SPRY3: variants seen among roughly 807,000 people sequenced by gnomAD.
SPRY3 encodes the protein sprouty RTK signaling antagonist 3.
Under a neutral mutation model 20.2 loss-of-function variants are expected in SPRY3, and 15 were observed. The ratio of observed to expected loss-of-function variants is 0.74; its 90% CI spans 0.50 to 1.14. The LOEUF is 1.14. Among genes scored for constraint, SPRY3 ranks in the 50% most tolerant of loss-of-function variants. SPRY3 has a pLI of 0.00. For missense variants in SPRY3, 364 were observed against 363.9 expected (o/e 1.00, Z 0.00); for synonymous variants, 143 against 136.5 (o/e 1.05, Z -0.33).
At chrX:155,736,969 T>A (rs2091174331) in intron 2 of SPRY3, among the ~76,000 whole-genome samples, 1 of 152,096 alleles carries the variant, frequency 6.6e-6, no homozygotes, top group Non-Finnish European at 1.5e-5. Context: ...CCATGTCTAG[T>A]CTACTGGTGA....
chrX:155,740,439 C>A (rs2124572420), intron 2 of SPRY3, among the ~76,000 whole-genome samples: 1 of 152,176 alleles, frequency 6.6e-6, no homozygotes, highest in Non-Finnish European at 1.5e-5. Flanking sequence ...AAATTCTTTT[C>A]CTAGCAAGGA....
chrX:155,770,338 T>G (rs2091373174), intron 3 of SPRY3, among the ~76,000 whole-genome samples: 1 of 152,228 alleles, frequency 6.6e-6, no homozygotes. Flanking sequence ...AAATACATTT[T>G]CTTTCATTAA....
intron 1 of SPRY3, among the ~76,000 whole-genome samples, chrX:155,614,722 TAATAA>T (rs2067845032): frequency 9.0e-6 from 1 of 111,336 alleles, no homozygotes; most frequent in Non-Finnish European, 1.9e-5. Flanking sequence ...ATTTTACTTG[TAATAA>T]AATAAAAGTC....
At chrX:155,663,267 A>G (rs73562813) in intron 2 of SPRY3, among the ~76,000 whole-genome samples, 152 of 112,208 alleles carry the variant, frequency 1.4e-3, no homozygotes, top group African/African-American at 4.8e-3. Context: ...TAAGCAAGAA[A>G]CTATAGGAGA....
chrX:155,713,703 T>C (rs1261412214), intron 2 of SPRY3, among the ~76,000 whole-genome samples: 1 of 152,124 alleles, frequency 6.6e-6, no homozygotes, highest in African/African-American at 2.4e-5. Flanking sequence ...CTTAGTGTTG[T>C]ATAAGCTTCT....
chrX:155,725,400 C>G (rs1035887084), intron 2 of SPRY3, among the ~76,000 whole-genome samples: 1 of 152,118 alleles, frequency 6.6e-6, no homozygotes, highest in Non-Finnish European at 1.5e-5. Flanking sequence ...ATGGTACCAG[C>G]TCCTCTTTGT....
chrX:155,737,099 T>A (rs1199309634), intron 2 of SPRY3, among the ~76,000 whole-genome samples: 2 of 152,290 alleles, frequency 1.3e-5, no homozygotes, highest in Admixed American at 6.5e-5. Context: ...TATTTTTGAA[T>A]GTTGTTCACT....
chrX:155,767,478 G>A (rs1041799153), intron 2 of SPRY3, among the ~76,000 whole-genome samples: 11 of 151,952 alleles, frequency 7.2e-5, no homozygotes, highest in Non-Finnish European at 1.5e-4. Flanking sequence ...GTCTACAACT[G>A]CAGTTTCTGC....
intron 2 of SPRY3, among the ~76,000 whole-genome samples, chrX:155,709,283 G>A (rs113413312): frequency 1.8e-4 from 27 of 151,496 alleles, no homozygotes; most frequent in Non-Finnish European, 2.7e-4. Flanking sequence ...TTACATTCCC[G>A]CCAACAATGT....
chrX:155,736,421 A>T (rs2091170003), intron 2 of SPRY3, among the ~76,000 whole-genome samples: 1 of 151,710 alleles, frequency 6.6e-6, no homozygotes, highest in Admixed American at 6.6e-5. Flanking sequence ...GAAAGTCTTT[A>T]TTTCTCCTTC....
intron 2 of SPRY3, among the ~76,000 whole-genome samples, chrX:155,762,732 AGAGTATGCTTATACAC>A (rs2091309527): frequency 6.6e-6 from 1 of 152,202 alleles, no homozygotes; most frequent in African/African-American, 2.4e-5. Flanking sequence ...TGCAGATAAA[AGAGTATGCTTATACAC>A]TGTTGGTGGG....
At chrX:155,765,421 C>G (rs1402204453) in intron 2 of SPRY3, among the ~76,000 whole-genome samples, 3 of 152,036 alleles carry the variant, frequency 2.0e-5, no homozygotes, top group Non-Finnish European at 2.9e-5. Context: ...ATTAATATGC[C>G]TCATAGGTTT....
exon 4 of SPRY3, chrX:155,774,461 A>G: frequency 6.2e-7 from 1 of 1,613,922 alleles, no homozygotes; most frequent in Admixed American, 1.7e-5. Flanking sequence ...CTCTTCTACC[A>G]CTGCTCCACT....
At chrX:155,615,359 C>G (rs1280567664) in intron 1 of SPRY3, among the ~76,000 whole-genome samples, 1 of 112,175 alleles carries the variant, frequency 8.9e-6, no homozygotes, top group Non-Finnish European at 1.9e-5. Context: ...TTATCAGCCT[C>G]TCAGTGAAGC....
chrX:155,739,301 C>T (rs2091189730), intron 2 of SPRY3, among the ~76,000 whole-genome samples: 1 of 152,110 alleles, frequency 6.6e-6, no homozygotes. Flanking sequence ...ATGGACATAA[C>T]TCTGATCTCT....
intron 2 of SPRY3, among the ~76,000 whole-genome samples, chrX:155,752,756 T>G (rs1227605816): frequency 6.6e-6 from 1 of 151,868 alleles, no homozygotes; most frequent in Non-Finnish European, 1.5e-5. Context: ...TATACTTGGT[T>G]GGCAAGAGTG....
chrX:155,669,875 A>T (rs2068035085), intron 2 of SPRY3: 1 of 111,109 alleles, frequency 9.0e-6, no homozygotes, highest in South Asian at 3.8e-4. Context: ...TCTATGAACC[A>T]TGTGGTGATA....
At chrX:155,667,376 G>A (rs1388618607) in intron 2 of SPRY3, among the ~76,000 whole-genome samples, 4 of 110,904 alleles carry the variant, frequency 3.6e-5, no homozygotes, top group Admixed American at 2.9e-4. Flanking sequence ...GGGGGAAATT[G>A]GTAATGTCTG....
Position 155,650,501 on chromosome X carries a change from T to C in SPRY3, c.-440-6366T>C, listed in dbSNP as rs1377413853. Among the ~76,000 whole-genome samples the C allele has an allele frequency of 4.5e-5, 5 of 112,285 alleles. No individual in the cohort carries two copies. In the Admixed American group the frequency reaches 4.7e-4, roughly 11 times the overall value. On this transcript the variant is annotated intron_variant, in intron 1 of 3. Transcript: ENST00000675360. ...AATTGATTTATGACCCAGCATATGC[T>C]CAACTTTTATAGATGTTTTATATGT...
Sources: allele counts gnomAD v4.1 joint callset (sites outside exome capture counted in the v4.1 genomes callset), GRCh38; gene constraint gnomAD v4.1.1; transcripts MANE v1.5; gene names NCBI Gene and HGNC (gene_info 2026-07-23, HGNC 2026-07-21).